MLIP: variants seen among roughly 807,000 people sequenced by gnomAD.
MLIP encodes muscular LMNA-interacting protein.
In MLIP, 79 loss-of-function variants were observed where a neutral mutation model predicts 84.8. The observed-to-expected ratio is 0.93, with a 90% CI of 0.78 to 1.12. MLIP has a LOEUF of 1.12. MLIP is among the 50% of genes most tolerant of loss of function. The pLI, the probability that MLIP is intolerant of heterozygous loss-of-function variation, is 0.00. For missense variants in MLIP, 1,257 were observed against 1,160.6 expected (o/e 1.08, Z -1.21); for synonymous variants, 504 against 463.0 (o/e 1.09, Z -1.14).
At chr6:54,126,721 A>T (rs1398479419) in intron 3 of MLIP, among the ~76,000 whole-genome samples, 2 of 152,126 alleles carry the variant, frequency 1.3e-5, no homozygotes, top group Non-Finnish European at 2.9e-5. Context: ...GTGAACTGTA[A>T]TGTACAAAGT....
intron 1 of MLIP, among the ~76,000 whole-genome samples, chr6:54,087,187 A>C (rs1339152091): frequency 6.6e-6 from 1 of 152,148 alleles, no homozygotes; most frequent in Non-Finnish European, 1.5e-5. Flanking sequence ...TGGTTTCTGG[A>C]AGTCTATTCT....
intron 12 of MLIP, among the ~76,000 whole-genome samples, chr6:54,252,098 A>T (rs1424654658): frequency 1.0e-5 from 1 of 99,842 alleles, no homozygotes; most frequent in African/African-American, 4.3e-5. Context: ...AATATATATT[A>T]TAACATATAA....
At chr6:54,261,688 CT>C (rs1783403730) in intron 13 of MLIP, 1 of 985,046 alleles carries the variant, frequency 1.0e-6, no homozygotes, top group Non-Finnish European at 1.2e-6. Flanking sequence ...TCCCATTCCT[CT>C]GACTTTATCC....
intron 1 of MLIP, among the ~76,000 whole-genome samples, chr6:54,096,600 G>T (rs1411181203): frequency 6.6e-6 from 1 of 152,178 alleles, no homozygotes; most frequent in Non-Finnish European, 1.5e-5. Context: ...CTAATACCAA[G>T]TGTTAGGGAG....
In MLIP at chr6:54,138,666, C is replaced by T. The variant is rs1311787931; in HGVS notation, c.2217+380C>T. 1.3e-5 allele frequency among the ~76,000 whole-genome samples: 2 copies of T among 151,984 alleles called. 1 individual carries two copies. The highest frequency in any genetic ancestry group is 1.3e-4 in the Admixed American group (2 of 15,240). ...TTTCTGATTGTTTATTAACAGGGAC[C>T]CTAGCATCCATCCAAATATCCTGTA... On this transcript the variant is annotated intron_variant, in intron 4 of 13. Transcript: ENST00000502396.
chr6:54,102,162 G>T (rs1346785101), intron 1 of MLIP, among the ~76,000 whole-genome samples: 1 of 152,124 alleles, frequency 6.6e-6, no homozygotes, highest in Non-Finnish European at 1.5e-5. Flanking sequence ...AAATCCCATT[G>T]TCTCATGTGC....
intron 1 of MLIP, among the ~76,000 whole-genome samples, chr6:54,019,506 T>G (rs1053563600): frequency 6.6e-6 from 1 of 152,216 alleles, no homozygotes; most frequent in Non-Finnish European, 1.5e-5. Flanking sequence ...TAATGTTTTA[T>G]TAAGTTTAAT....
exon 1 of MLIP, chr6:54,019,085 A>C (rs1342582420): frequency 1.9e-6 from 3 of 1,611,786 alleles, no homozygotes; most frequent in Non-Finnish European, 2.5e-6. Flanking sequence ...TAGAGGAGAA[A>C]CTGACGGTAA....
chr6:54,227,104 G>GT, intron 11 of MLIP, among the ~76,000 whole-genome samples: 1 of 152,246 alleles, frequency 6.6e-6, no homozygotes, highest in African/African-American at 2.4e-5. Context: ...AGATCAGGTT[G>GT]TTTAATATGT....
At chr6:54,033,894 C>T (rs1764280128) in intron 1 of MLIP, among the ~76,000 whole-genome samples, 1 of 152,096 alleles carries the variant, frequency 6.6e-6, no homozygotes, top group Non-Finnish European at 1.5e-5. Context: ...ACTATAGACT[C>T]TAAGTAAGTA....
chr6:54,177,863 C>T (rs1484750865), intron 9 of MLIP, among the ~76,000 whole-genome samples: 1 of 152,068 alleles, frequency 6.6e-6, no homozygotes, highest in African/African-American at 2.4e-5. Context: ...ACTATGTAGC[C>T]ATATAAAGGA....
intron 1 of MLIP, chr6:54,079,568 C>T (rs1410310459): frequency 1.3e-5 from 2 of 152,184 alleles, no homozygotes; most frequent in South Asian, 2.1e-4. Context: ...AAACATTCTG[C>T]TGTTTATTGG....
intron 1 of MLIP, among the ~76,000 whole-genome samples, chr6:54,054,823 C>T (rs945709149): frequency 6.6e-6 from 1 of 152,150 alleles, no homozygotes; most frequent in Non-Finnish European, 1.5e-5. Flanking sequence ...AGCCAGACCT[C>T]TCCTAACGCA....
chr6:54,147,511 T>C (rs1318446764), intron 4 of MLIP, among the ~76,000 whole-genome samples: 1 of 152,102 alleles, frequency 6.6e-6, no homozygotes, highest in East Asian at 1.9e-4. Context: ...ATGTAGGAGA[T>C]GGGAGTGTAG....
chr6:54,191,997 G>GTATA (rs781044396), intron 10 of MLIP, among the ~76,000 whole-genome samples: 1 of 148,978 alleles, frequency 6.7e-6, no homozygotes, highest in African/African-American at 2.5e-5. Flanking sequence ...ATATATATGT[G>GTATA]TATATATATA....
intron 1 of MLIP, among the ~76,000 whole-genome samples, chr6:54,045,223 C>T (rs139195899): frequency 0.029 from 4,357 of 152,008 alleles, 186 homozygotes; most frequent in African/African-American, 0.099. Context: ...TGGCGGGCAC[C>T]TGTAATCCCA....
chr6:54,041,240 C>T (rs1331353901), intron 1 of MLIP, among the ~76,000 whole-genome samples: 1 of 152,022 alleles, frequency 6.6e-6, no homozygotes, highest in African/African-American at 2.4e-5. Flanking sequence ...TGCTCCATGC[C>T]TCAATAGACT....
At chr6:54,151,763 T>C (rs1377591904) in intron 5 of MLIP, among the ~76,000 whole-genome samples, 1 of 152,200 alleles carries the variant, frequency 6.6e-6, no homozygotes, top group African/African-American at 2.4e-5. Flanking sequence ...CTACAGCATA[T>C]AGTATAATTA....
chr6:54,130,828 C>A (rs545962015), intron 3 of MLIP, among the ~76,000 whole-genome samples: 7 of 151,882 alleles, frequency 4.6e-5, no homozygotes, highest in South Asian at 2.1e-4. Flanking sequence ...GAAGTATCAG[C>A]ACATAAGAAC....
Sources: gnomAD v4.1 joint callset for allele counts (sites outside exome capture counted in the v4.1 genomes callset) on GRCh38, gnomAD v4.1.1 for gene constraint, MANE v1.5 for transcripts, NCBI Gene and HGNC (gene_info 2026-07-23, HGNC 2026-07-21) for gene names.